The following MS4A14 variants were observed in gnomAD, a reference collection of about 807,000 sequenced individuals.
MS4A14 encodes membrane spanning 4-domains A14.
In MS4A14, 18 loss-of-function variants were observed where a neutral mutation model predicts 16.7. The ratio of observed to expected loss-of-function variants is 1.08; its 90% CI spans 0.75 to 1.60. The LOEUF (loss-of-function observed/expected upper bound fraction) is 1.60. Ranked by LOEUF, MS4A14 falls within the 40% of genes most tolerant of loss-of-function variation. The pLI is 0.00. For missense variants in MS4A14, 812 were observed against 775.3 expected, an observed-to-expected ratio of 1.05 and a Z score of -0.56; for synonymous variants, 305 against 289.4, an observed-to-expected ratio of 1.05 and a Z score of -0.55.
At chr11:60,411,559 C>T (rs10792274) in intron 4 of MS4A14, among the ~76,000 whole-genome samples, 102,639 of 151,974 alleles carry the variant, frequency 0.68, 34,811 homozygotes, top group Middle Eastern at 0.76. Context: ...ATGTTATTTT[C>T]ATATTGTTTA....
At chr11:60,398,021 A>C (rs1305672188) in intron 2 of MS4A14, 41 bp downstream of exon 2, 2 of 1,606,240 alleles carry the variant, frequency 1.2e-6, no homozygotes, top group Non-Finnish European at 1.7e-6. Context: ...AATTGCTATA[A>C]AGATAGATTT....
At chr11:60,407,886 A>G (rs1342223351) in intron 4 of MS4A14, among the ~76,000 whole-genome samples, 1 of 152,112 alleles carries the variant, frequency 6.6e-6, no homozygotes, top group East Asian at 1.9e-4. Flanking sequence ...GAAAAAAACA[A>G]ATTTGATGAA....
In MS4A14 at chr11:60,405,887, A is replaced by G. The variant is rs4938941; in HGVS notation, c.468+2826A>G. The G allele has an allele frequency of 0.64, 970,634 of 1,524,082 alleles. 311,488 individuals are homozygous for G. Among genetic ancestry groups the G allele is most frequent in the Middle Eastern group, 0.75 (4,448 of 5,928 alleles). 94.4% of individuals were successfully genotyped at this position (1,524,082 alleles called of 1,614,324 possible). A position where few individuals can be genotyped will look rare whatever the true frequency, so the allele number is the denominator to read the frequency against. On this transcript the variant is annotated intron_variant, in intron 4 of 4. Transcript: ENST00000300187. Reference sequence around the variant, plus strand: ...CCATTTATTTCTCCTCATTATTTGCAGGGAATTTTGTTAATCTTACTGATC... The same window carrying G: ...CCATTTATTTCTCCTCATTATTTGCGGGGAATTTTGTTAATCTTACTGATC...
intron 1 of MS4A14, among the ~76,000 whole-genome samples, chr11:60,397,027 G>A (rs549813292): frequency 5.9e-5 from 9 of 152,282 alleles, no homozygotes; most frequent in African/African-American, 1.9e-4. Context: ...GGAATTGGGA[G>A]TGCTTCAAAA....
At chr11:60,399,311 C>T (rs1444041300) in intron 2 of MS4A14, among the ~76,000 whole-genome samples, 1 of 152,166 alleles carries the variant, frequency 6.6e-6, no homozygotes, top group Admixed American at 6.6e-5. Flanking sequence ...CGTAGCTGCT[C>T]ACTAGGCGAA....
chr11:60,407,572 A>G (rs750203963), intron 4 of MS4A14, among the ~76,000 whole-genome samples: 1 of 152,214 alleles, frequency 6.6e-6, no homozygotes, highest in Non-Finnish European at 1.5e-5. Flanking sequence ...CAGTTGCTCC[A>G]TATCATTAAC....
At chr11:60,414,835 C>T (rs758605615) in intron 4 of MS4A14, among the ~76,000 whole-genome samples, 1 of 151,980 alleles carries the variant, frequency 6.6e-6, no homozygotes, top group East Asian at 1.9e-4. Context: ...TTCATCTTAC[C>T]GTCTATGCCT....
In MS4A14 at chr11:60,416,302, C is replaced by A; in HGVS notation, c.1334C>A (p.Thr445Asn). Residue 445 changes from threonine (T) to asparagine (N), a missense_variant, in exon 5 of 5, where the codon ACT (threonine) becomes AAT (asparagine). Thr to Asn is a moderately conservative substitution (Grantham distance 65, BLOSUM62 0). Coordinates refer to ENST00000300187, the MANE Select transcript of MS4A14 (RefSeq NM_032597.5). Reference sequence around the variant, plus strand: ...CCCCCAGATCTTCAACCAGAAAACACTGAACCTCAAAACCAGCAAATTTTA... The same window carrying A: ...CCCCCAGATCTTCAACCAGAAAACAATGAACCTCAAAACCAGCAAATTTTA... Reference protein sequence around the residue: ...QQPPDLQPENTEPQNQQILQM... With the variant: ...QQPPDLQPENNEPQNQQILQM... The A allele has an allele frequency of 6.2e-7, 1 of 1,613,994 alleles. No homozygotes were observed. Among genetic ancestry groups the A allele is most frequent in the Non-Finnish European group, 8.5e-7 (1 of 1,179,954 alleles).
Position 60,399,722 on chromosome 11 carries a change from G to A in MS4A14, c.268-682G>A, listed in dbSNP as rs1188832702. Among the ~76,000 whole-genome samples the A allele has an allele frequency of 3.3e-5, 5 of 152,130 alleles. No homozygotes were observed. The East Asian group carries it at 7.7e-4, about 23-fold the overall frequency. The stretch of plus-strand genomic sequence containing the variant: ...AGATGGAGAGCCTTGAGAGTGACTC[G>A]GAGGTAGAAGTGACAGGACTTGGCA... On this transcript the variant is annotated intron_variant, in intron 2 of 4. Transcript: ENST00000300187.
In MS4A14 at chr11:60,417,142, C is replaced by G; in HGVS notation, c.*134C>G. The G allele has an allele frequency of 9.4e-7, 1 of 1,062,438 alleles. No individual in the cohort carries two copies. The highest frequency in any genetic ancestry group is 1.3e-6 in the Non-Finnish European group (1 of 762,098). The allele number at this position is 1,062,438 out of a possible 1,614,324, so 65.8% of individuals were successfully genotyped here. On this transcript the variant is annotated 3_prime_UTR_variant, in exon 5 of 5. Coordinates refer to ENST00000300187, the MANE Select transcript of MS4A14 (RefSeq NM_032597.5). ...TATACCAAGAAGTCCAAACCCAGCA[C>G]GCAACAGCCCAACATAACCTAGAAT...
In MS4A14 at chr11:60,415,929, C is replaced by T. The variant is rs1361500752; in HGVS notation, c.961C>T (p.Pro321Ser). 1.2e-6 allele frequency: 2 copies of T among 1,613,828 alleles called. No homozygotes were observed. The highest frequency in any genetic ancestry group is 1.7e-6 in the Non-Finnish European group (2 of 1,179,934). ...KLEDISPEDL[P>S]SQALPVEGLS... The stretch of plus-strand genomic sequence containing the variant: ...CGAAGATATATCACCTGAAGACTTG[C>T]CATCCCAAGCTCTACCAGTAGAAGG... Residue 321 changes from proline (P) to serine (S), a missense_variant, in exon 5 of 5, where the codon CCA becomes TCA. Transcript: ENST00000300187.
rs1035206618 is a variant in MS4A14 at position 60,416,516 on chromosome 11, T to C, written c.1548T>C (p.His516=). The C allele has an allele frequency of 6.2e-7, 1 of 1,613,720 alleles. No individual in the cohort carries two copies. The highest frequency in any genetic ancestry group is 1.3e-5 in the African/African-American group (1 of 74,872). The stretch of plus-strand genomic sequence containing the variant: ...AAGGCCAGAAATCCTCAAAGAGGCA[T>C]TCCTTAGATCAGCAAAGCAAAGGCT... The part of the protein sequence containing the change: ...QAKGQKSSKR[H]SLDQQSKGWQ... The change falls in exon 5 of 5, where the codon CAT becomes CAC. Residue 516 remains histidine, a synonymous_variant. Coordinates refer to ENST00000300187, the MANE Select transcript of MS4A14 (RefSeq NM_032597.5).
intron 4 of MS4A14, among the ~76,000 whole-genome samples, chr11:60,413,358 T>G (rs1303813141): frequency 8.5e-6 from 1 of 117,082 alleles, no homozygotes; most frequent in Admixed American, 9.2e-5. Context: ...ATACAATGTT[T>G]AAAATAAGTG....
intron 4 of MS4A14, among the ~76,000 whole-genome samples, chr11:60,409,249 TAGTA>T (rs1307219198): frequency 6.6e-6 from 1 of 152,166 alleles, no homozygotes; most frequent in Non-Finnish European, 1.5e-5. Context: ...TTACTATCTA[TAGTA>T]AGTAAGAACT....
intron 1 of MS4A14, among the ~76,000 whole-genome samples, chr11:60,396,944 GGT>G (rs1245710003): frequency 3.3e-5 from 5 of 152,054 alleles, no homozygotes; most frequent in African/African-American, 1.2e-4. Context: ...GTGACTTCAG[GGT>G]GTGGTGGCAC....
chr11:60,398,502 G>T lies in MS4A14; in HGVS notation c.267+522G>T, dbSNP rs1321236559. Among the ~76,000 whole-genome samples, 3 of 151,982 alleles carry T rather than the reference G, an allele frequency of 2.0e-5. No individual in the cohort carries two copies. In the East Asian group the frequency reaches 5.8e-4, roughly 29 times the overall value. On this transcript the variant is annotated intron_variant, in intron 2 of 4. Coordinates refer to ENST00000300187, the MANE Select transcript of MS4A14 (RefSeq NM_032597.5). ...GTGCTATTTCTATCCAATCCCCACA[G>T]CCTGGATTCCTAATTTTGTGCCATA...
At chr11:60,411,590 CAAT>C (rs1565178701) in intron 4 of MS4A14, among the ~76,000 whole-genome samples, 1 of 152,110 alleles carries the variant, frequency 6.6e-6, no homozygotes, top group Admixed American at 6.5e-5. Flanking sequence ...ACAGAAACAA[CAAT>C]GATTTTTTGT....
chr11:60,413,989 A>G (rs1286380885), intron 4 of MS4A14, among the ~76,000 whole-genome samples: 3 of 152,128 alleles, frequency 2.0e-5, no homozygotes, highest in Non-Finnish European at 4.4e-5. Flanking sequence ...GTTATTTAAC[A>G]TCTCTGAACC....
At chr11:60,412,528 G>C (rs2085882895) in intron 4 of MS4A14, among the ~76,000 whole-genome samples, 1 of 151,740 alleles carries the variant, frequency 6.6e-6, no homozygotes, top group Non-Finnish European at 1.5e-5. Context: ...AGTTTTTATA[G>C]TATTCTTTTA....
Sources: gnomAD v4.1 joint callset for allele counts (sites outside exome capture counted in the v4.1 genomes callset) on GRCh38, gnomAD v4.1.1 for gene constraint, MANE v1.5 for transcripts, NCBI Gene and HGNC (gene_info 2026-07-23, HGNC 2026-07-21) for gene names.